Variants in NFATC2 observed in about 807,000 individuals in gnomAD.
The protein encoded by NFATC2 is nuclear factor of activated T cells 2, also known as nuclear factor of activated T-cells, cytoplasmic 2.
Under a neutral mutation model 87.3 loss-of-function variants are expected in NFATC2, and 22 were observed. The observed-to-expected ratio is 0.25, with a 90% CI of 0.18 to 0.36. The LOEUF (loss-of-function observed/expected upper bound fraction) is 0.36. NFATC2 is among the 10% of genes least tolerant of loss of function. The probability of loss-of-function intolerance (pLI) is 1.00; values close to 1 mark genes in which losing one functional copy is unlikely to be tolerated. For missense variants in NFATC2, 1,149 were observed against 1,259.1 expected (o/e 0.91, Z 1.32); for synonymous variants, 565 against 542.2 (o/e 1.04, Z -0.58).
rs996221356 is a variant in NFATC2, at chr20:51,562,468, C to A, written c.70+92G>T. 6.7e-6 allele frequency: 8 copies of A among 1,195,512 alleles called. No homozygotes were observed. In the African/African-American group the frequency reaches 1.1e-4, roughly 16 times the overall value. The allele number at this position is 1,195,512 out of a possible 1,614,324, so 74.1% of individuals were successfully genotyped here. On this transcript the variant is annotated intron_variant, in intron 1 of 10. Coordinates refer to the NFATC2 transcript ENST00000414705. This position sits in a 1 kb window ranked among gnomAD's most constrained non-coding sequence, Gnocchi z 5.8. ...CCAGGCCTCCCGCACCGACCTCTGC[C>A]GGGAGCTGAAAGTGCTGCCCGGGAC...
Position 51,542,684 on chromosome 20 carries a change from G to T in NFATC2, c.-185C>A. 1 of 1,139,142 alleles carries T rather than the reference G, an allele frequency of 8.8e-7. No individual in the cohort carries two copies. The allele number at this position is 1,139,142 out of a possible 1,614,324, so 70.6% of individuals were successfully genotyped here. A position where few individuals can be genotyped will look rare whatever the true frequency, so the allele number is the denominator to read the frequency against. ...GGTCCTGGACGCGCCCGGGGAAGCT[G>T]AGCGGCGGCGGCGACGGCGGCGCGA... On this transcript the variant is annotated 5_prime_UTR_variant, in exon 1 of 11. Coordinates refer to ENST00000371564, the MANE Select transcript of NFATC2 (RefSeq NM_012340.5).
chr20:51,420,780 G>A (rs530107441), intron 9 of NFATC2, among the ~76,000 whole-genome samples: 1 of 152,250 alleles, frequency 6.6e-6, no homozygotes, highest in East Asian at 1.9e-4. Flanking sequence ...GGTATTTCAT[G>A]ATATTAAGGA....
chr20:51,457,684 G>C (rs1212753499), intron 5 of NFATC2, among the ~76,000 whole-genome samples: 3 of 137,424 alleles, frequency 2.2e-5, no homozygotes, highest in African/African-American at 5.3e-5. Context: ...TGCAGGCCAG[G>C]GGCCTTGGCA....
Position 51,494,045 on chromosome 20 carries a change from CT to C in NFATC2, c.1333-18386del, listed in dbSNP as rs2075946244. Among the ~76,000 whole-genome samples, 9 of 152,142 alleles carry C rather than the reference CT, an allele frequency of 5.9e-5. 1 individual carries two copies. The South Asian group carries it at 1.9e-3, about 31-fold the overall frequency. ...TACAGTGCCTGGCAAAGAGTGGGTGCTCAGTGAGCGTCAACAGTTACCATCA... is the reference window on the plus strand; with the variant it reads ...TACAGTGCCTGGCAAAGAGTGGGTGCCAGTGAGCGTCAACAGTTACCATCA... On this transcript the variant is annotated intron_variant, in intron 3 of 10. Coordinates refer to ENST00000371564, the MANE Select transcript of NFATC2 (RefSeq NM_012340.5).
intron 3 of NFATC2, among the ~76,000 whole-genome samples, chr20:51,485,235 C>T (rs775384615): frequency 1.2e-4 from 18 of 152,156 alleles, no homozygotes; most frequent in Non-Finnish European, 2.1e-4. Flanking sequence ...CCAAACGCTG[C>T]ACCCCAGCCC....
chr20:51,551,776 C>T (rs1297682514), intron 1 of NFATC2, among the ~76,000 whole-genome samples: 3 of 151,902 alleles, frequency 2.0e-5, no homozygotes, highest in Non-Finnish European at 4.4e-5. Flanking sequence ...GCCTGTAATC[C>T]CAGCACATTG....
intron 3 of NFATC2, among the ~76,000 whole-genome samples, chr20:51,479,490 A>G (rs74988191): frequency 0.073 from 11,129 of 152,250 alleles, 473 homozygotes; most frequent in Middle Eastern, 0.11. Flanking sequence ...ATAGTGTCGC[A>G]CGTCCGTAGT....
intron 1 of NFATC2, among the ~76,000 whole-genome samples, chr20:51,552,305 T>C (rs1390195361): frequency 1.3e-5 from 2 of 151,322 alleles, no homozygotes; most frequent in Admixed American, 1.3e-4. Context: ...TATATGTATG[T>C]GTGTCTGTGT....
At chr20:51,510,531 C>A (rs1260496952) in intron 3 of NFATC2, among the ~76,000 whole-genome samples, 2 of 152,214 alleles carry the variant, frequency 1.3e-5, no homozygotes, top group African/African-American at 4.8e-5. Flanking sequence ...TACCTGCAGA[C>A]CAAAGTCAGG....
At chr20:51,482,871 C>A (rs1221062469) in intron 3 of NFATC2, among the ~76,000 whole-genome samples, 2 of 152,212 alleles carry the variant, frequency 1.3e-5, no homozygotes, top group African/African-American at 4.8e-5. Context: ...ATGGTCATGT[C>A]CTCTTGTCAT....
Position 51,391,340 on chromosome 20 carries a change from C to A in NFATC2, c.*156G>T. 6.4e-7 allele frequency: 1 copy of A among 1,552,214 alleles called. No individual in the cohort carries two copies. Among genetic ancestry groups the A allele is most frequent in the Non-Finnish European group, 8.9e-7 (1 of 1,124,252 alleles). ...ATGAAAGGAGACAGAAGGTGAGGGG[C>A]TGTGGAGGGCTCCGAGGGGTCAGAT... On this transcript the variant is annotated 3_prime_UTR_variant, in exon 11 of 11. Coordinates refer to ENST00000371564, the MANE Select transcript of NFATC2 (RefSeq NM_012340.5).
At chr20:51,530,345 T>C (rs189223008) in intron 1 of NFATC2, among the ~76,000 whole-genome samples, 113 of 152,100 alleles carry the variant, frequency 7.4e-4, no homozygotes, top group African/African-American at 2.7e-3. Context: ...TTTTTTGTGT[T>C]TTCAGTAGAG....
At chr20:51,397,230 A>G (rs796174949) in intron 10 of NFATC2, among the ~76,000 whole-genome samples, 58 of 152,272 alleles carry the variant, frequency 3.8e-4, no homozygotes, top group African/African-American at 1.4e-3. Context: ...TGTTACTTGA[A>G]ACAGAGCTCT....
In NFATC2 at chr20:51,454,448, G is replaced by A. The variant is rs139882911; in HGVS notation, c.1849+100C>T. The A allele has an allele frequency of 1.7e-3, 2,209 of 1,295,470 alleles. 17 individuals are homozygous for A. The highest frequency in any genetic ancestry group is 0.014 in the East Asian group (611 of 43,130). The allele number at this position is 1,295,470 out of a possible 1,614,324, so 80.2% of individuals were successfully genotyped here. Reference sequence around the variant, plus strand: ...AAAAGAGCAGGGTATAAAACTGCACGGTGGGATCTACCCCCCAAAACCAAA... The same window carrying A: ...AAAAGAGCAGGGTATAAAACTGCACAGTGGGATCTACCCCCCAAAACCAAA... On this transcript the variant is annotated intron_variant, in intron 6 of 10. Coordinates refer to ENST00000371564, the MANE Select transcript of NFATC2 (RefSeq NM_012340.5).
intron 1 of NFATC2, among the ~76,000 whole-genome samples, chr20:51,528,619 G>A (rs943117449): frequency 6.6e-6 from 1 of 152,234 alleles, no homozygotes. Context: ...TAAGGAATGG[G>A]AGGACAGTGG....
intron 9 of NFATC2, among the ~76,000 whole-genome samples, chr20:51,418,659 G>GTTTTTTTTTTTTTTTTTTTT (rs752511466): frequency 8.0e-6 from 1 of 125,104 alleles, no homozygotes; most frequent in African/African-American, 3.4e-5. Flanking sequence ...TGTTTGTTTG[G>GTTTTTTTTTTTTTTTTTTTT]TTTTTTTTTT....
At position 51,398,947 on chromosome 20, in the gene NFATC2, G is replaced by C. The variant is rs558024656; in HGVS notation, c.2723-217C>G. ...ATGGAGATGAGGGACTCTGTGCAAA[G>C]TGCATTACATTATGTGGGGTGTGGG... On this transcript the variant is annotated intron_variant, in intron 9 of 10. Transcript: ENST00000371564. 9 of 529,664 alleles carry C rather than the reference G, an allele frequency of 1.7e-5. No individual in the cohort carries two copies. The African/African-American group carries it at 1.7e-4, about 10-fold the overall frequency. 32.8% of individuals were successfully genotyped at this position (529,664 alleles called of 1,614,324 possible). A position where few individuals can be genotyped will look rare whatever the true frequency, so the allele number is the denominator to read the frequency against.
At chr20:51,452,178 G>A (rs1029639840) in intron 6 of NFATC2, among the ~76,000 whole-genome samples, 5 of 152,186 alleles carry the variant, frequency 3.3e-5, no homozygotes, top group South Asian at 2.1e-4. Flanking sequence ...ACCTGGGTAC[G>A]TGTGATTCAA....
intron 5 of NFATC2, among the ~76,000 whole-genome samples, chr20:51,471,397 T>C (rs1435350013): frequency 2.6e-5 from 4 of 152,234 alleles, no homozygotes; most frequent in East Asian, 1.9e-4. Context: ...GCAGCCACCA[T>C]GACCAGCATT....
Sources: gnomAD v4.1 joint callset for allele counts (sites outside exome capture counted in the v4.1 genomes callset) on GRCh38, gnomAD v4.1.1 for gene constraint, Gnocchi (gnomAD v3.1) non-coding constraint, MANE v1.5 for transcripts, NCBI Gene and HGNC (gene_info 2026-07-23, HGNC 2026-07-21) for gene names.